Variants in ACOX2 observed in about 807,000 individuals in gnomAD.
ACOX2 encodes peroxisomal acyl-coenzyme A oxidase 2.
ACOX2 carries 59 observed loss-of-function variants against 77.5 expected under a neutral mutation model. That is an observed-to-expected ratio of 0.76 (90% confidence interval 0.62 to 0.95). The LOEUF (loss-of-function observed/expected upper bound fraction) is 0.95. Ranked by LOEUF, ACOX2 falls within the 40% of genes least tolerant of loss-of-function variation. The pLI is 0.00. For missense variants in ACOX2, 837 were observed against 880.4 expected (o/e 0.95, Z 0.62); for synonymous variants, 317 against 340.1 (o/e 0.93, Z 0.75).
rs2063468297 is a variant in ACOX2, at chr3:58,534,722, C to T, written c.161-200G>A. On this transcript the variant is annotated intron_variant, in intron 2 of 14. Coordinates refer to ENST00000302819, the MANE Select transcript of ACOX2 (RefSeq NM_003500.4). The surrounding 1 kb of genome is among the most constrained non-coding windows in gnomAD (Gnocchi z 4.8). Reference sequence around the variant, plus strand: ...CTATGCAGTGGCAGAATTTTAGGACCAGAATCCAGGTCTTCTGCTGCCTAG... The same window carrying T: ...CTATGCAGTGGCAGAATTTTAGGACTAGAATCCAGGTCTTCTGCTGCCTAG... 3.6e-6 allele frequency: 5 copies of T among 1,394,258 alleles called. No homozygotes were observed. The highest frequency in any genetic ancestry group is 1.8e-4 in the Middle Eastern group (1 of 5,554). 86.4% of individuals were successfully genotyped at this position (1,394,258 alleles called of 1,614,324 possible).
In ACOX2 at chr3:58,524,774, C is replaced by T. The variant is rs928864026; in HGVS notation, c.1347-169G>A. Reference sequence around the variant, plus strand: ...CCCTCCTGAGGGTTCCCCCTCGGGCCGTCCTGCCTCGAGGCCCTCAGTCAG... The same window carrying T: ...CCCTCCTGAGGGTTCCCCCTCGGGCTGTCCTGCCTCGAGGCCCTCAGTCAG... On this transcript the variant is annotated intron_variant, in intron 10 of 14. Transcript: ENST00000302819. This position sits in a 1 kb window ranked among gnomAD's most constrained non-coding sequence, Gnocchi z 5.5. 2.0e-5 allele frequency among the ~76,000 whole-genome samples: 3 copies of T among 152,222 alleles called. No individual in the cohort carries two copies. Among genetic ancestry groups the T allele is most frequent in the South Asian group, 2.1e-4 (1 of 4,830 alleles).
chr3:58,515,820 C>T lies in ACOX2; in HGVS notation c.1850+1386G>A, dbSNP rs1432629173. Among the ~76,000 whole-genome samples, 4 of 151,810 alleles carry T rather than the reference C, an allele frequency of 2.6e-5. No individual in the cohort carries two copies. The highest frequency in any genetic ancestry group is 9.7e-5 in the African/African-American group (4 of 41,304). On this transcript the variant is annotated intron_variant, in intron 13 of 14. Coordinates refer to ENST00000302819, the MANE Select transcript of ACOX2 (RefSeq NM_003500.4). The surrounding 1 kb of genome is among the most constrained non-coding windows in gnomAD (Gnocchi z 4.0). Reference sequence around the variant, plus strand: ...TGAGACAAGGTCTCACTTTGTTGCCCAGGCTGGAGTGCAGTGGTGTGATCA... The same window carrying T: ...TGAGACAAGGTCTCACTTTGTTGCCTAGGCTGGAGTGCAGTGGTGTGATCA...
chr3:58,524,710 C>A lies in ACOX2; in HGVS notation c.1347-105G>T. On this transcript the variant is annotated intron_variant, in intron 10 of 14. Coordinates refer to ENST00000302819, the MANE Select transcript of ACOX2 (RefSeq NM_003500.4). The surrounding 1 kb of genome is among the most constrained non-coding windows in gnomAD (Gnocchi z 5.5). ...CAAGCTCATGCTAGGTTCCAGCCTT[C>A]CCGTGGGAGAGCCAGGTCACCAGGC... The A allele has an allele frequency of 7.8e-7, 1 of 1,287,794 alleles. No homozygotes were observed. Among genetic ancestry groups the A allele is most frequent in the African/African-American group, 1.5e-5 (1 of 68,000 alleles). The allele number at this position is 1,287,794 out of a possible 1,614,324, so 79.8% of individuals were successfully genotyped here.
intron 13 of ACOX2, among the ~76,000 whole-genome samples, chr3:58,510,823 A>C (rs2063281558): frequency 6.7e-6 from 1 of 148,972 alleles, no homozygotes. Context: ...ACTTTGTGCC[A>C]CCACCTTTGT....
chr3:58,522,088 C>T lies in ACOX2; in HGVS notation c.1632+408G>A, dbSNP rs2107999323. On this transcript the variant is annotated intron_variant, in intron 12 of 14. Coordinates refer to ENST00000302819, the MANE Select transcript of ACOX2 (RefSeq NM_003500.4). This position sits in a 1 kb window ranked among gnomAD's most constrained non-coding sequence, Gnocchi z 4.3. Reference sequence around the variant, plus strand: ...TGGGCAGTGGCTTCACTGTTGAGCACCCAGGTCAGTGCCCAGGGCAGAGTG... The same window carrying T: ...TGGGCAGTGGCTTCACTGTTGAGCATCCAGGTCAGTGCCCAGGGCAGAGTG... Among the ~76,000 whole-genome samples the T allele has an allele frequency of 6.6e-6, 1 of 152,278 alleles. No individual in the cohort carries two copies. Among genetic ancestry groups the T allele is most frequent in the South Asian group, 2.1e-4 (1 of 4,828 alleles).
Position 58,520,229 on chromosome 3 carries a change from C to G in ACOX2, c.1632+2267G>C, listed in dbSNP as rs113141759. On this transcript the variant is annotated intron_variant, in intron 12 of 14. Coordinates refer to ENST00000302819, the MANE Select transcript of ACOX2 (RefSeq NM_003500.4). ...ACTGTTATTAGCTCTATCTTGCAGA[C>G]GAAGAGACTGAGGCTCTGAAAGATT... Among the ~76,000 whole-genome samples the G allele has an allele frequency of 2.0e-5, 3 of 152,312 alleles. No individual in the cohort carries two copies. In the South Asian group the frequency reaches 6.2e-4, roughly 32 times the overall value.
chr3:58,518,075 CAAAAAAAAAAAAAA>C (rs763535906), intron 12 of ACOX2, among the ~76,000 whole-genome samples: 1 of 47,678 alleles, frequency 2.1e-5, no homozygotes, highest in South Asian at 9.4e-4. Context: ...AACTCCATCT[CAAAAAAAAAAAAAA>C]AAAAAAAAAA....
At chr3:58,510,657 AAAAAAAATATATATATATATATAT>A (rs2063274071) in intron 13 of ACOX2, among the ~76,000 whole-genome samples, 3 of 33,894 alleles carry the variant, frequency 8.9e-5, no homozygotes, top group African/African-American at 2.5e-4. Flanking sequence ...AAAAAAAAAA[AAAAAAAATATATATATATATATAT>A]ATATATATAT....
chr3:58,526,330 G>T lies in ACOX2; in HGVS notation c.1346+136C>A. 1 of 997,274 alleles carries T rather than the reference G, an allele frequency of 1.0e-6. No individual in the cohort carries two copies. Among genetic ancestry groups the T allele is most frequent in the Non-Finnish European group, 1.5e-6 (1 of 687,422 alleles). 61.8% of individuals were successfully genotyped at this position (997,274 alleles called of 1,614,324 possible). On this transcript the variant is annotated intron_variant, in intron 10 of 14. Transcript: ENST00000302819. The surrounding 1 kb of genome is among the most constrained non-coding windows in gnomAD (Gnocchi z 4.3). Reference sequence around the variant, plus strand: ...AGAAGTGGATAGGTTAGTCATACTGGGGAATTGGACAGCTCCCAAATAGCA... The same window carrying T: ...AGAAGTGGATAGGTTAGTCATACTGTGGAATTGGACAGCTCCCAAATAGCA...
intron 8 of ACOX2, 66 bp downstream of exon 8, chr3:58,530,400 A>G: frequency 6.4e-7 from 1 of 1,567,394 alleles, no homozygotes; most frequent in Non-Finnish European, 8.7e-7. Flanking sequence ...GGGTGGTGTC[A>G]GGGGGAGGCA....
At chr3:58,532,611 C>T (rs1468185247) in intron 5 of ACOX2, among the ~76,000 whole-genome samples, 1 of 152,122 alleles carries the variant, frequency 6.6e-6, no homozygotes, top group Non-Finnish European at 1.5e-5. Context: ...GTTCAAACTC[C>T]TGACCTCAGG....
chr3:58,529,993 G>A (rs1404709785), intron 8 of ACOX2, among the ~76,000 whole-genome samples: 1 of 152,228 alleles, frequency 6.6e-6, no homozygotes, highest in Non-Finnish European at 1.5e-5. Flanking sequence ...AGCACAGCTG[G>A]ACAGAACGAG....
At position 58,534,915 on chromosome 3, in the gene ACOX2, A is replaced by G. The variant is rs770528583; in HGVS notation, c.160+32T>C. 20 of 1,613,408 alleles carry G rather than the reference A, an allele frequency of 1.2e-5. No individual in the cohort carries two copies. Among genetic ancestry groups the G allele is most frequent in the Non-Finnish European group, 1.7e-5 (20 of 1,179,504 alleles). On this transcript the variant is annotated intron_variant, in intron 2 of 14. Transcript: ENST00000302819. The surrounding 1 kb of genome is among the most constrained non-coding windows in gnomAD (Gnocchi z 4.8). ...CTTACAAGAGAAGCATGGGGCATAAAACAGATGTCCCATTCCCCAGCTTCC... is the reference window on the plus strand; with the variant it reads ...CTTACAAGAGAAGCATGGGGCATAAGACAGATGTCCCATTCCCCAGCTTCC...
chr3:58,534,716 T>C lies in ACOX2; in HGVS notation c.161-194A>G. Reference sequence around the variant, plus strand: ...ACAAAGCTATGCAGTGGCAGAATTTTAGGACCAGAATCCAGGTCTTCTGCT... The same window carrying C: ...ACAAAGCTATGCAGTGGCAGAATTTCAGGACCAGAATCCAGGTCTTCTGCT... On this transcript the variant is annotated intron_variant, in intron 2 of 14. Transcript: ENST00000302819. This position sits in a 1 kb window ranked among gnomAD's most constrained non-coding sequence, Gnocchi z 4.8. The C allele has an allele frequency of 1.3e-5, 19 of 1,413,744 alleles. 1 individual carries two copies. In the South Asian group the frequency reaches 2.2e-4, roughly 16 times the overall value. 87.6% of individuals were successfully genotyped at this position (1,413,744 alleles called of 1,614,324 possible).
intron 12 of ACOX2, among the ~76,000 whole-genome samples, chr3:58,518,147 G>C (rs1406916723): frequency 6.6e-6 from 1 of 151,288 alleles, no homozygotes; most frequent in Non-Finnish European, 1.5e-5. Context: ...GTTCAAGTCA[G>C]TGGTGTGTGT....
Position 58,515,211 on chromosome 3 carries a change from G to A in ACOX2, c.1850+1995C>T, listed in dbSNP as rs575248305. On this transcript the variant is annotated intron_variant, in intron 13 of 14. Coordinates refer to ENST00000302819, the MANE Select transcript of ACOX2 (RefSeq NM_003500.4). This position sits in a 1 kb window ranked among gnomAD's most constrained non-coding sequence, Gnocchi z 4.0. The stretch of plus-strand genomic sequence containing the variant: ...AATTTTTGTATTTTTAGTAGAGACC[G>A]GGTTTCACCATGTTGGCCAGGCTGG... Among the ~76,000 whole-genome samples, 4 of 152,230 alleles carry A rather than the reference G, an allele frequency of 2.6e-5. No individual in the cohort carries two copies. Among genetic ancestry groups the A allele is most frequent in the Admixed American group, 6.5e-5 (1 of 15,286 alleles).
Position 58,505,365 on chromosome 3 carries a change from C to G in ACOX2, c.1984-79G>C. 1 of 1,179,896 alleles carries G rather than the reference C, an allele frequency of 8.5e-7. No homozygotes were observed. Among genetic ancestry groups the G allele is most frequent in the Non-Finnish European group, 1.2e-6 (1 of 836,836 alleles). 73.1% of individuals were successfully genotyped at this position (1,179,896 alleles called of 1,614,324 possible). On this transcript the variant is annotated intron_variant, in intron 14 of 14. Transcript: ENST00000302819. This position sits in a 1 kb window ranked among gnomAD's most constrained non-coding sequence, Gnocchi z 4.4. ...TGACTTTCACTTTCAAATTAAGTCT[C>G]TAGCTTCAAAAAGTAACATTACGTA...
Position 58,528,240 on chromosome 3 carries a change from C to T in ACOX2, c.1155+554G>A, listed in dbSNP as rs1169618312. On this transcript the variant is annotated intron_variant, in intron 9 of 14. Transcript: ENST00000302819. This position sits in a 1 kb window ranked among gnomAD's most constrained non-coding sequence, Gnocchi z 5.6. ...TATAAAGCATGGTAGCCTGGACAGACTGAATTTTACTATATATGTAAGTCC... is the reference window on the plus strand; with the variant it reads ...TATAAAGCATGGTAGCCTGGACAGATTGAATTTTACTATATATGTAAGTCC... 6.6e-6 allele frequency among the ~76,000 whole-genome samples: 1 copy of T among 152,158 alleles called. No individual in the cohort carries two copies. Among genetic ancestry groups the T allele is most frequent in the African/African-American group, 2.4e-5 (1 of 41,432 alleles).
Position 58,526,629 on chromosome 3 carries a change from C to A in ACOX2, c.1183G>T (p.Ala395Ser), listed in dbSNP as rs1276577875. ...TGGGTGCAGAATTCTGACATCATGGCCTTCATGCCCGTGCTCAGTGCGTGG... is the reference window on the plus strand; with the variant it reads ...TGGGTGCAGAATTCTGACATCATGGACTTCATGCCCGTGCTCAGTGCGTGG... ...ELHALSTGMK[A>S]MMSEFCTQGA... The change falls in exon 10 of 15, where the codon GCC becomes TCC. Residue 395 changes from alanine to serine, a missense_variant. By Grantham distance (99) the Ala-to-Ser change is moderately conservative (BLOSUM62 1). Coordinates refer to ENST00000302819, the MANE Select transcript of ACOX2 (RefSeq NM_003500.4). The surrounding 1 kb of genome is among the most constrained non-coding windows in gnomAD (Gnocchi z 4.3). 6.2e-7 allele frequency: 1 copy of A among 1,614,112 alleles called. No individual in the cohort carries two copies. Among genetic ancestry groups the A allele is most frequent in the South Asian group, 1.1e-5 (1 of 91,068 alleles).
Sources: allele counts gnomAD v4.1 joint callset (sites outside exome capture counted in the v4.1 genomes callset), GRCh38; gene constraint gnomAD v4.1.1; non-coding constraint Gnocchi (gnomAD v3.1); transcripts MANE v1.5; gene names NCBI Gene and HGNC (gene_info 2026-07-23, HGNC 2026-07-21).